MED12L: variants seen among roughly 807,000 people sequenced by gnomAD.
The protein encoded by MED12L is mediator complex subunit 12L.
MED12L carries 60 observed loss-of-function variants against 281.3 expected under a neutral mutation model. That is an observed-to-expected ratio of 0.21 (90% CI 0.17 to 0.26). The LOEUF is 0.26. MED12L is among the 10% of genes least tolerant of loss of function. The pLI, the probability that MED12L is intolerant of heterozygous loss-of-function variation, is 1.00. For missense variants in MED12L, 2,146 were observed against 2,680.9 expected (o/e 0.80, Z 4.41); for synonymous variants, 974 against 987.2 (o/e 0.99, Z 0.25).
intron 16 of MED12L, chr3:151,336,413 G>A (rs1370542827): frequency 4.6e-6 from 2 of 436,972 alleles, no homozygotes; most frequent in Admixed American, 5.0e-5. Flanking sequence ...CTCAGCAGAG[G>A]TTGTAGAGGG....
intron 16 of MED12L, among the ~76,000 whole-genome samples, chr3:151,235,977 T>C (rs1732684948): frequency 1.3e-5 from 2 of 152,144 alleles, no homozygotes; most frequent in Non-Finnish European, 2.9e-5. Context: ...TAATTGTGGT[T>C]TTTGTGATGA....
At chr3:151,213,829 C>G (rs774718365) in intron 16 of MED12L, 1 of 1,614,022 alleles carries the variant, frequency 6.2e-7, no homozygotes, top group Admixed American at 1.7e-5. Flanking sequence ...CTCCCTAACA[C>G]TCTGGTTGGT....
intron 16 of MED12L, among the ~76,000 whole-genome samples, chr3:151,306,116 G>C (rs1746603707): frequency 2.0e-5 from 3 of 152,090 alleles, no homozygotes; most frequent in Non-Finnish European, 4.4e-5. Context: ...ATCTTATGTG[G>C]CTATACTTAA....
chr3:151,099,026 A>G (rs544809862), intron 2 of MED12L, among the ~76,000 whole-genome samples: 32 of 152,310 alleles, frequency 2.1e-4, no homozygotes, highest in African/African-American at 7.0e-4. Context: ...ATCAGCTCTC[A>G]TGAGATTACT....
chr3:151,430,210 T>A, intron 43 of MED12L, 89 bp from the exon 44 acceptor site: 2 of 1,584,706 alleles, frequency 1.3e-6, no homozygotes, highest in Non-Finnish European at 1.7e-6. Context: ...AGAAGTACCT[T>A]ACAGACTGGC....
intron 43 of MED12L, among the ~76,000 whole-genome samples, chr3:151,417,236 T>C (rs185238415): frequency 1.3e-5 from 2 of 152,318 alleles, no homozygotes; most frequent in East Asian, 3.9e-4. Context: ...TCTCACACTT[T>C]GAGAAACACT....
chr3:151,328,850 A>G, intron 16 of MED12L: 2 of 1,614,010 alleles, frequency 1.2e-6, no homozygotes, highest in Non-Finnish European at 1.7e-6. Flanking sequence ...GATGTGAACA[A>G]ACACCCACAG....
intron 16 of MED12L, among the ~76,000 whole-genome samples, chr3:151,238,137 T>TTTTTTC (rs113061339): frequency 0.84 from 125,166 of 149,524 alleles, 52,423 homozygotes; most frequent in South Asian, 0.89. Flanking sequence ...ACATTTTTTC[T>TTTTTTC]TTTTTCTTTT....
chr3:151,106,214 TTC>T (rs1027968381), intron 2 of MED12L, among the ~76,000 whole-genome samples: 8 of 148,744 alleles, frequency 5.4e-5, no homozygotes, highest in South Asian at 2.1e-4. Flanking sequence ...CTGTTTTTTT[TTC>T]TTTCTTTCCT....
At chr3:151,149,276 A>G (rs6780053) in intron 5 of MED12L, among the ~76,000 whole-genome samples, 57,106 of 152,060 alleles carry the variant, frequency 0.38, 12,900 homozygotes, top group African/African-American at 0.63. Context: ...GAATACAGGC[A>G]AGTAGAGAAG....
chr3:151,259,554 A>T (rs1738476919), intron 16 of MED12L, among the ~76,000 whole-genome samples: 1 of 152,220 alleles, frequency 6.6e-6, no homozygotes, highest in Admixed American at 6.5e-5. Flanking sequence ...ATAAGTAGAC[A>T]CTGGATAATC....
chr3:151,367,790 C>A lies in MED12L; in HGVS notation c.3448+24C>A, dbSNP rs3732764. On this transcript the variant is annotated intron_variant, in intron 24 of 44. Transcript: ENST00000687756. ...AGGTAAGGCAGCATCCATGAACATC[C>A]GTTGCTCTTTGATTGTTGTCTTGAT... 0.7 allele frequency: 1,100,427 copies of A among 1,583,232 alleles called. 386,758 individuals are homozygous for A. Among genetic ancestry groups the A allele is most frequent in the African/African-American group, 0.89 (65,951 of 73,928 alleles).
chr3:151,324,430 A>G (rs954054922), intron 16 of MED12L, among the ~76,000 whole-genome samples: 5 of 152,104 alleles, frequency 3.3e-5, no homozygotes, highest in Non-Finnish European at 7.4e-5. Context: ...AAGTTTTGTA[A>G]ATAACAGGAA....
Position 151,268,837 on chromosome 3 carries a change from A to G in MED12L, c.2250+75171A>G, listed in dbSNP as rs1490431042. Among the ~76,000 whole-genome samples, 4 of 152,242 alleles carry G rather than the reference A, an allele frequency of 2.6e-5. 1 individual carries two copies. The highest frequency in any genetic ancestry group is 9.6e-5 in the African/African-American group (4 of 41,478). ...ACCTAAAGGTAAAACTAAGACCACA[A>G]AGCTTCTAGAGGAAAATGTAAAATA... is the stretch of plus-strand genomic sequence containing the variant. On this transcript the variant is annotated intron_variant, in intron 16 of 44. Coordinates refer to ENST00000687756, the MANE Select transcript of MED12L (RefSeq NM_001393769.1).
intron 11 of MED12L, among the ~76,000 whole-genome samples, chr3:151,169,129 T>G (rs555204828): frequency 3.8e-4 from 55 of 146,610 alleles, no homozygotes; most frequent in East Asian, 3.3e-3. Context: ...TTTGTTTTTT[T>G]TTTTTTGAGA....
intron 16 of MED12L, among the ~76,000 whole-genome samples, chr3:151,304,193 A>G (rs1454577705): frequency 1.3e-5 from 2 of 152,192 alleles, no homozygotes; most frequent in African/African-American, 4.8e-5. Context: ...CATGCCTGTG[A>G]CAGAAAGGAG....
At chr3:151,295,992 T>C (rs1745038382) in intron 16 of MED12L, among the ~76,000 whole-genome samples, 1 of 152,244 alleles carries the variant, frequency 6.6e-6, no homozygotes, top group African/African-American at 2.4e-5. Flanking sequence ...AAATTCTTCA[T>C]TAAAATGCAT....
At chr3:151,231,741 C>T (rs935709789) in intron 16 of MED12L, among the ~76,000 whole-genome samples, 1 of 152,074 alleles carries the variant, frequency 6.6e-6, no homozygotes, top group Non-Finnish European at 1.5e-5. Flanking sequence ...TTGTATAACT[C>T]TGAATACAGA....
intron 17 of MED12L, among the ~76,000 whole-genome samples, chr3:151,351,172 C>A (rs1344810441): frequency 1.3e-5 from 2 of 152,110 alleles, no homozygotes; most frequent in Non-Finnish European, 2.9e-5. Context: ...GGATAAATTG[C>A]TAGAATTTGT....
Sources: gnomAD v4.1 joint callset for allele counts (sites outside exome capture counted in the v4.1 genomes callset) on GRCh38, gnomAD v4.1.1 for gene constraint, MANE v1.5 for transcripts, NCBI Gene and HGNC (gene_info 2026-07-23, HGNC 2026-07-21) for gene names.